The following CALN1 variants were observed in gnomAD, a reference collection of about 807,000 sequenced individuals.
The protein encoded by CALN1 is calneuron 1.
In CALN1, 17 loss-of-function variants were observed where a neutral mutation model predicts 30.6. That is an observed-to-expected ratio of 0.56 (90% confidence interval 0.38 to 0.83). The LOEUF (loss-of-function observed/expected upper bound fraction) is 0.83. CALN1 is among the 40% of genes least tolerant of loss of function. The pLI, the probability that CALN1 is intolerant of heterozygous loss-of-function variation, is 0.00. For missense variants in CALN1, 291 were observed against 354.9 expected, an observed-to-expected ratio of 0.82 and a Z score of 1.45; for synonymous variants, 156 against 131.4, an observed-to-expected ratio of 1.19 and a Z score of -1.28.
chr7:71,797,298 A>G (rs763507038), intron 6 of CALN1, among the ~76,000 whole-genome samples: 18 of 152,192 alleles, frequency 1.2e-4, no homozygotes, highest in African/African-American at 3.4e-4. Context: ...TAGCAGTCTC[A>G]ACTCAGGTGA....
chr7:71,852,922 T>C (rs569877718), intron 5 of CALN1, among the ~76,000 whole-genome samples: 24 of 152,370 alleles, frequency 1.6e-4, no homozygotes, highest in African/African-American at 5.3e-4. Context: ...TTTTACAGTA[T>C]TGAGTTGTGA....
At chr7:72,381,923 T>TC (rs1804926303) in intron 2 of CALN1, among the ~76,000 whole-genome samples, 1 of 152,118 alleles carries the variant, frequency 6.6e-6, no homozygotes, top group Non-Finnish European at 1.5e-5. Flanking sequence ...AGAGAGGATA[T>TC]CATAAGAAAA....
intron 4 of CALN1, among the ~76,000 whole-genome samples, chr7:72,032,701 A>G (rs922815299): frequency 6.6e-6 from 1 of 152,216 alleles, no homozygotes; most frequent in African/African-American, 2.4e-5. Flanking sequence ...GCAATTGTCA[A>G]AACAGATGCT....
rs1249344126 is a variant in CALN1 at position 71,970,618 on chromosome 7, T to C, written c.501+53039A>G. ...TTTTTTGCAGCCAGCTACCCTTTTA[T>C]GCCCTCCAGAAATAGGCAGGCAATA... On this transcript the variant is annotated intron_variant, in intron 5 of 6. Transcript: ENST00000395275. Among the ~76,000 whole-genome samples the C allele has an allele frequency of 3.9e-5, 6 of 152,012 alleles. 1 individual carries two copies. The highest frequency in any genetic ancestry group is 6.3e-3 in the Middle Eastern group (2 of 316).
At chr7:72,026,145 C>CA (rs1450409596) in intron 4 of CALN1, among the ~76,000 whole-genome samples, 3 of 152,122 alleles carry the variant, frequency 2.0e-5, no homozygotes, top group Non-Finnish European at 4.4e-5. Flanking sequence ...CAAATACTTC[C>CA]AAAAGCACAC....
At chr7:72,209,031 TCCTTCTCTCTC>T in intron 3 of CALN1, among the ~76,000 whole-genome samples, 3 of 3,304 alleles carry the variant, frequency 9.1e-4, no homozygotes, top group African/African-American at 4.2e-3. Flanking sequence ...CTTCCCTCCT[TCCTTCTCTCTC>T]TCCTTTTTCT....
chr7:72,111,614 T>C (rs566858109), intron 3 of CALN1, among the ~76,000 whole-genome samples: 254 of 152,134 alleles, frequency 1.7e-3, no homozygotes, highest in South Asian at 5.0e-3. Flanking sequence ...ACTAATTTTT[T>C]ATTTTTCATT....
chr7:71,980,582 A>G (rs1467963774), intron 5 of CALN1, among the ~76,000 whole-genome samples: 3 of 152,176 alleles, frequency 2.0e-5, no homozygotes, highest in African/African-American at 7.2e-5. Context: ...CTTATCCTCA[A>G]GTAACTCAGG....
At chr7:72,232,357 T>C (rs1465960354) in intron 3 of CALN1, among the ~76,000 whole-genome samples, 1 of 152,232 alleles carries the variant, frequency 6.6e-6, no homozygotes, top group African/African-American at 2.4e-5. Flanking sequence ...CTATTTACAA[T>C]AGCCAAGCAT....
chr7:72,111,795 G>C (rs1156277075), intron 3 of CALN1, among the ~76,000 whole-genome samples: 1 of 151,494 alleles, frequency 6.6e-6, no homozygotes, highest in Non-Finnish European at 1.5e-5. Context: ...CTGTCACCCA[G>C]GCTGGAGTGC....
intron 5 of CALN1, among the ~76,000 whole-genome samples, chr7:71,938,879 G>A (rs191656184): frequency 2.0e-5 from 3 of 152,226 alleles, no homozygotes; most frequent in African/African-American, 7.2e-5. Context: ...GCAGGAGGGG[G>A]CCATGAGGCT....
At chr7:72,115,662 T>C (rs1408604840) in intron 3 of CALN1, among the ~76,000 whole-genome samples, 1 of 151,850 alleles carries the variant, frequency 6.6e-6, no homozygotes, top group Non-Finnish European at 1.5e-5. Context: ...CTAATTTTTG[T>C]ATTTTTAGTA....
chr7:72,281,819 T>G (rs780568112), intron 2 of CALN1, among the ~76,000 whole-genome samples: 4 of 152,162 alleles, frequency 2.6e-5, no homozygotes, highest in African/African-American at 9.6e-5. Context: ...AAGGATGTTA[T>G]ACTCAAGCAA....
At chr7:72,088,779 A>AAGAAG (rs1805657589) in intron 4 of CALN1, among the ~76,000 whole-genome samples, 1 of 74,520 alleles carries the variant, frequency 1.3e-5, no homozygotes. Flanking sequence ...AAGTAAGAGA[A>AAGAAG]GGAAGGGAAG....
At chr7:71,986,532 C>T (rs1032371000) in intron 5 of CALN1, among the ~76,000 whole-genome samples, 1 of 152,188 alleles carries the variant, frequency 6.6e-6, no homozygotes, top group Non-Finnish European at 1.5e-5. Flanking sequence ...GCAGACATCA[C>T]CTTTCATTGA....
chr7:72,126,611 C>T (rs1313676439), intron 3 of CALN1, among the ~76,000 whole-genome samples: 3 of 152,070 alleles, frequency 2.0e-5, no homozygotes, highest in Non-Finnish European at 2.9e-5. Context: ...CACCCCTTTC[C>T]CCTACCTTTC....
chr7:71,845,995 G>A (rs749489668), intron 5 of CALN1, among the ~76,000 whole-genome samples: 11 of 152,158 alleles, frequency 7.2e-5, no homozygotes, highest in African/African-American at 2.4e-4. Context: ...GGAGGTTGCC[G>A]TGAGCTGAGA....
chr7:72,197,913 G>C (rs539699778), intron 3 of CALN1, among the ~76,000 whole-genome samples: 120 of 152,068 alleles, frequency 7.9e-4, no homozygotes, highest in Non-Finnish European at 1.6e-3. Flanking sequence ...AAAAGAACGT[G>C]GCCTGCAGAG....
intron 6 of CALN1, among the ~76,000 whole-genome samples, chr7:71,800,975 C>T (rs949707601): frequency 1.3e-5 from 2 of 152,024 alleles, no homozygotes; most frequent in Admixed American, 6.6e-5. Context: ...CCCATTGCCC[C>T]CTGACAGGCC....
Sources: gnomAD v4.1 joint callset for allele counts (sites outside exome capture counted in the v4.1 genomes callset) on GRCh38, gnomAD v4.1.1 for gene constraint, MANE v1.5 for transcripts, NCBI Gene and HGNC (gene_info 2026-07-23, HGNC 2026-07-21) for gene names.